PDE4B: variants seen among roughly 807,000 people sequenced by gnomAD.
PDE4B encodes the protein phosphodiesterase 4B, also known as 3',5'-cyclic-AMP phosphodiesterase 4B.
In PDE4B, 20 loss-of-function variants were observed where a neutral mutation model predicts 82.2. The observed-to-expected ratio is 0.24, with a 90% CI of 0.17 to 0.35. The LOEUF (loss-of-function observed/expected upper bound fraction) is 0.35, where lower values mean the gene tolerates loss of function less well. Among genes scored for constraint, PDE4B ranks in the 10% least tolerant of loss-of-function variants. PDE4B has a pLI of 1.00. For missense variants in PDE4B, 655 were observed against 907.2 expected (o/e 0.72, Z 3.57); for synonymous variants, 320 against 318.9 (o/e 1.00, Z -0.04).
At chr1:65,959,958 T>C (rs1380763525) in intron 3 of PDE4B, among the ~76,000 whole-genome samples, 1 of 152,136 alleles carries the variant, frequency 6.6e-6, no homozygotes, top group Non-Finnish European at 1.5e-5. Flanking sequence ...ATTCTCTTCC[T>C]CCTGAGCCTC....
chr1:65,986,508 A>G (rs940839715), intron 3 of PDE4B, among the ~76,000 whole-genome samples: 1 of 152,236 alleles, frequency 6.6e-6, no homozygotes, highest in Non-Finnish European at 1.5e-5. Context: ...CAACATTTTG[A>G]AAATGCTACT....
intron 7 of PDE4B, among the ~76,000 whole-genome samples, chr1:66,274,722 G>A (rs1304885427): frequency 6.6e-6 from 1 of 152,178 alleles, no homozygotes; most frequent in African/African-American, 2.4e-5. Context: ...TATAAAGCAT[G>A]TAGAAAGTCC....
chr1:66,191,509 A>C (rs1321311201), intron 3 of PDE4B, among the ~76,000 whole-genome samples: 1 of 152,192 alleles, frequency 6.6e-6, no homozygotes, highest in African/African-American at 2.4e-5. Flanking sequence ...ATTCACATCA[A>C]AGTAAATGTG....
At chr1:66,143,471 G>A (rs2503174) in intron 3 of PDE4B, among the ~76,000 whole-genome samples, 105,570 of 151,978 alleles carry the variant, frequency 0.69, 37,224 homozygotes, top group African/African-American at 0.77. Flanking sequence ...GACTAATAGG[G>A]CTTTGGTTAA....
At chr1:65,898,364 T>C (rs1011754133) in intron 1 of PDE4B, among the ~76,000 whole-genome samples, 1 of 152,128 alleles carries the variant, frequency 6.6e-6, no homozygotes, top group African/African-American at 2.4e-5. Flanking sequence ...TTTGGTTTTA[T>C]TGCAGTTGTT....
chr1:66,330,695 T>C (rs1890195), intron 7 of PDE4B: 9,515 of 852,318 alleles, frequency 0.011, 256 homozygotes, highest in African/African-American at 0.076. Context: ...GTTCTGTCTC[T>C]TCAGAAAAGG....
At chr1:66,144,083 G>A (rs1041970818) in intron 3 of PDE4B, among the ~76,000 whole-genome samples, 3 of 152,216 alleles carry the variant, frequency 2.0e-5, no homozygotes, top group African/African-American at 7.2e-5. Flanking sequence ...GGGGAAAAGT[G>A]AAAATAGTTG....
chr1:65,990,747 A>T (rs997211324), intron 3 of PDE4B, among the ~76,000 whole-genome samples: 4 of 152,216 alleles, frequency 2.6e-5, no homozygotes, highest in Admixed American at 1.3e-4. Context: ...ATCAGCAGCT[A>T]ATATGATTTT....
At chr1:66,154,713 C>T (rs1646468478) in intron 3 of PDE4B, among the ~76,000 whole-genome samples, 1 of 152,178 alleles carries the variant, frequency 6.6e-6, no homozygotes, top group African/African-American at 2.4e-5. Flanking sequence ...AATATCTTTT[C>T]CTTCTGCATG....
intron 3 of PDE4B, among the ~76,000 whole-genome samples, chr1:66,197,683 G>A (rs1648448369): frequency 6.6e-6 from 1 of 152,048 alleles, no homozygotes; most frequent in Non-Finnish European, 1.5e-5. Flanking sequence ...ACTCTATTCT[G>A]TGCAAATTCA....
rs1009265848 is a variant in PDE4B at position 65,854,863 on chromosome 1, T to C, written c.-70-58382T>C. On this transcript the variant is annotated intron_variant, in intron 1 of 16. Transcript: ENST00000341517. ...CCTCTTAGTTTTATGCTTCAGGTCA[T>C]TGAGTTTTTGTTTATTGTTTTCCTA... Among the ~76,000 whole-genome samples the C allele has an allele frequency of 3.9e-5, 6 of 151,930 alleles. No homozygotes were observed. In the East Asian group the frequency reaches 1.2e-3, roughly 29 times the overall value.
intron 3 of PDE4B, among the ~76,000 whole-genome samples, chr1:66,205,978 A>G (rs1649515499): frequency 6.6e-6 from 1 of 152,158 alleles, no homozygotes; most frequent in Non-Finnish European, 1.5e-5. Flanking sequence ...GACTATAGGG[A>G]CAAAAAGGGA....
At chr1:66,167,933 G>A (rs1570385634) in intron 3 of PDE4B, among the ~76,000 whole-genome samples, 1 of 152,120 alleles carries the variant, frequency 6.6e-6, no homozygotes, top group South Asian at 2.1e-4. Context: ...TGTAACATAT[G>A]CACCAATGCC....
At chr1:65,845,147 A>G (rs1646254369) in intron 1 of PDE4B, among the ~76,000 whole-genome samples, 1 of 152,194 alleles carries the variant, frequency 6.6e-6, no homozygotes, top group Non-Finnish European at 1.5e-5. Context: ...TCTCTGGATA[A>G]TGTCCCAGCG....
At chr1:66,161,534 ATT>A (rs1183022120) in intron 3 of PDE4B, among the ~76,000 whole-genome samples, 6 of 152,170 alleles carry the variant, frequency 3.9e-5, no homozygotes, top group Non-Finnish European at 8.8e-5. Flanking sequence ...TTGATATGAT[ATT>A]GTATTGCTTA....
At chr1:65,933,832 A>G (rs1647974299) in intron 3 of PDE4B, among the ~76,000 whole-genome samples, 1 of 152,222 alleles carries the variant, frequency 6.6e-6, no homozygotes, top group Admixed American at 6.5e-5. Flanking sequence ...GACTACTGCA[A>G]ACACTGTAAC....
chr1:65,983,300 A>T (rs1192926395), intron 3 of PDE4B, among the ~76,000 whole-genome samples: 1 of 152,138 alleles, frequency 6.6e-6, no homozygotes, highest in Non-Finnish European at 1.5e-5. Flanking sequence ...TGAGGCTCAG[A>T]GTTGATGCTG....
intron 3 of PDE4B, among the ~76,000 whole-genome samples, chr1:66,188,375 A>T (rs1217702190): frequency 6.6e-6 from 1 of 151,588 alleles, no homozygotes; most frequent in African/African-American, 2.4e-5. Context: ...GCTGAATTCA[A>T]TTCCTGGGTA....
intron 3 of PDE4B, among the ~76,000 whole-genome samples, chr1:66,173,431 C>T (rs143634839): frequency 1.4e-4 from 21 of 152,232 alleles, no homozygotes; most frequent in African/African-American, 4.6e-4. Flanking sequence ...AGGGTGCTTC[C>T]ATTGAAATCG....
Sources: gnomAD v4.1 joint callset for allele counts (sites outside exome capture counted in the v4.1 genomes callset) on GRCh38, gnomAD v4.1.1 for gene constraint, MANE v1.5 for transcripts, NCBI Gene and HGNC (gene_info 2026-07-23, HGNC 2026-07-21) for gene names.